XYLT1: variants seen among roughly 807,000 people sequenced by gnomAD.
XYLT1 encodes the protein beta-D-xylosyltransferase 1.
XYLT1 carries 36 observed loss-of-function variants against 91.3 expected under a neutral mutation model. The ratio of observed to expected loss-of-function variants is 0.39; its 90% CI spans 0.30 to 0.52. XYLT1 has a LOEUF of 0.52. XYLT1 is among the 20% of genes least tolerant of loss of function. The probability of loss-of-function intolerance (pLI) is 0.68; values close to 1 mark genes in which losing one functional copy is unlikely to be tolerated. For missense variants in XYLT1, 1,242 were observed against 1,284.5 expected, an observed-to-expected ratio of 0.97 and a Z score of 0.51; for synonymous variants, 588 against 532.0, an observed-to-expected ratio of 1.11 and a Z score of -1.45.
intron 2 of XYLT1, among the ~76,000 whole-genome samples, chr16:17,313,211 C>T (rs1596477102): frequency 3.9e-5 from 6 of 152,362 alleles, no homozygotes; most frequent in Admixed American, 3.9e-4. Context: ...TCAGCCCCTG[C>T]CCCTGGAGCC....
In XYLT1 at chr16:17,160,104, CAG is replaced by C. The variant is rs367684139; in HGVS notation, c.1290-1197_1290-1196del. Among the ~76,000 whole-genome samples the C allele has an allele frequency of 4.9e-3, 744 of 152,324 alleles. 5 individuals carry two copies. Among genetic ancestry groups the C allele is most frequent in the African/African-American group, 0.017 (716 of 41,578 alleles). On this transcript the variant is annotated intron_variant, in intron 5 of 11. Coordinates refer to ENST00000261381, the MANE Select transcript of XYLT1 (RefSeq NM_022166.4). ...TTAGAAAGCAATGCTTGGGCAGAAA[CAG>C]AAAGATCTGGGGACAGATCCCAGCT...
At chr16:17,364,374 C>A (rs35595353) in intron 1 of XYLT1, among the ~76,000 whole-genome samples, 11,399 of 152,162 alleles carry the variant, frequency 0.075, 669 homozygotes, top group African/African-American at 0.17. Flanking sequence ...CTAAGATAGG[C>A]TCCTCTTTGT....
At chr16:17,179,637 AC>A (rs1182005882) in intron 5 of XYLT1, among the ~76,000 whole-genome samples, 2 of 152,058 alleles carry the variant, frequency 1.3e-5, no homozygotes, top group African/African-American at 4.8e-5. Context: ...CATATTCCCA[AC>A]CCCCAGCAAA....
chr16:17,273,708 G>C (rs1156769652), intron 2 of XYLT1, among the ~76,000 whole-genome samples: 2 of 151,878 alleles, frequency 1.3e-5, no homozygotes, highest in African/African-American at 2.4e-5. Context: ...GCCAGTTGTA[G>C]TGGTGGGTGC....
intron 3 of XYLT1, among the ~76,000 whole-genome samples, chr16:17,210,191 C>T (rs999762981): frequency 2.6e-5 from 4 of 152,202 alleles, no homozygotes; most frequent in African/African-American, 9.6e-5. Context: ...CCATGTCCAT[C>T]TAATTTTTTT....
At position 17,418,276 on chromosome 16, in the gene XYLT1, T is replaced by G. The variant is rs571957093; in HGVS notation, c.363+52158A>C. 3.9e-5 allele frequency among the ~76,000 whole-genome samples: 6 copies of G among 152,336 alleles called. No homozygotes were observed. The South Asian group carries it at 8.3e-4, about 21-fold the overall frequency. On this transcript the variant is annotated intron_variant, in intron 1 of 11. Coordinates refer to ENST00000261381, the MANE Select transcript of XYLT1 (RefSeq NM_022166.4). Reference sequence around the variant, plus strand: ...CAGCTAGGACTAGATGCTTAATAAATATATTATTTATGGATTAGACAAAGA... The same window carrying G: ...CAGCTAGGACTAGATGCTTAATAAAGATATTATTTATGGATTAGACAAAGA...
chr16:17,249,255 C>T (rs1270515907), intron 3 of XYLT1, among the ~76,000 whole-genome samples: 3 of 152,146 alleles, frequency 2.0e-5, no homozygotes, highest in African/African-American at 7.2e-5. Context: ...GCTCAGAATA[C>T]CACCTCCACA....
At chr16:17,437,095 G>T (rs1360249689) in intron 1 of XYLT1, among the ~76,000 whole-genome samples, 1 of 152,130 alleles carries the variant, frequency 6.6e-6, no homozygotes, top group Non-Finnish European at 1.5e-5. Context: ...CCATTTTACA[G>T]ATCCGAAAAC....
intron 2 of XYLT1, among the ~76,000 whole-genome samples, chr16:17,278,067 A>T (rs190339982): frequency 4.0e-4 from 61 of 152,256 alleles, no homozygotes; most frequent in Non-Finnish European, 1.3e-4. Context: ...CCCTGCGAAC[A>T]TGAGGCATCT....
rs116459281 is a variant in XYLT1, at chr16:17,357,948, A to T, written c.402+64T>A. The T allele has an allele frequency of 2.0e-4, 323 of 1,576,180 alleles. 1 individual carries two copies. The African/African-American group carries it at 3.7e-3, about 18-fold the overall frequency. ...GTCCAGCCTTTCAGAGCCACGGGAC[A>T]AGTCCCCTTGAGAGCTGGAATACTA... On this transcript the variant is annotated intron_variant, in intron 2 of 11. Coordinates refer to ENST00000261381, the MANE Select transcript of XYLT1 (RefSeq NM_022166.4).
At chr16:17,357,779 G>A (rs1478786677) in intron 2 of XYLT1, among the ~76,000 whole-genome samples, 6 of 152,220 alleles carry the variant, frequency 3.9e-5, no homozygotes, top group African/African-American at 1.2e-4. Flanking sequence ...GCCACAGGTG[G>A]GAGGGGCACC....
intron 8 of XYLT1, among the ~76,000 whole-genome samples, chr16:17,136,914 G>A (rs1358102824): frequency 6.6e-6 from 1 of 152,076 alleles, no homozygotes; most frequent in Non-Finnish European, 1.5e-5. Flanking sequence ...AGCACGTGGA[G>A]GTTTTGTGCT....
At chr16:17,118,205 C>T (rs1468717566) in intron 10 of XYLT1, among the ~76,000 whole-genome samples, 1 of 152,116 alleles carries the variant, frequency 6.6e-6, no homozygotes, top group Non-Finnish European at 1.5e-5. Context: ...TTTATTAAAC[C>T]ACCGGGCCTC....
intron 4 of XYLT1, among the ~76,000 whole-genome samples, chr16:17,200,156 G>A (rs2032507165): frequency 6.6e-6 from 1 of 152,022 alleles, no homozygotes; most frequent in Non-Finnish European, 1.5e-5. Flanking sequence ...AGGAGGCAGA[G>A]GTTGCAGTGA....
At chr16:17,178,031 G>A (rs1387115250) in intron 5 of XYLT1, among the ~76,000 whole-genome samples, 5 of 152,122 alleles carry the variant, frequency 3.3e-5, no homozygotes, top group Non-Finnish European at 5.9e-5. Context: ...GAATTACGGT[G>A]CTAATGAGGA....
intron 5 of XYLT1, among the ~76,000 whole-genome samples, chr16:17,194,635 T>C (rs929183865): frequency 6.6e-6 from 1 of 152,238 alleles, no homozygotes; most frequent in African/African-American, 2.4e-5. Context: ...GGTGGGACTG[T>C]TTCCTTCTGT....
chr16:17,428,703 G>A (rs757013510), intron 1 of XYLT1, among the ~76,000 whole-genome samples: 2 of 152,138 alleles, frequency 1.3e-5, no homozygotes, highest in Admixed American at 6.5e-5. Flanking sequence ...CAGGGGTTTC[G>A]GGAAGCTTTC....
At chr16:17,398,827 C>CCCCG (rs1222374821) in intron 1 of XYLT1, among the ~76,000 whole-genome samples, 2 of 34,820 alleles carry the variant, frequency 5.7e-5, no homozygotes, top group African/African-American at 2.3e-4. Context: ...CGCCCCCCCC[C>CCCCG]ACTGTTTTTT....
chr16:17,373,620 A>T (rs142151757), intron 1 of XYLT1, among the ~76,000 whole-genome samples: 1 of 152,236 alleles, frequency 6.6e-6, no homozygotes, highest in Non-Finnish European at 1.5e-5. Context: ...ACCAACATAC[A>T]GCATGTGCCA....
Sources: gnomAD v4.1 joint callset for allele counts (sites outside exome capture counted in the v4.1 genomes callset) on GRCh38, gnomAD v4.1.1 for gene constraint, MANE v1.5 for transcripts, NCBI Gene and HGNC (gene_info 2026-07-23, HGNC 2026-07-21) for gene names.